Variants in ADGRD1 observed in about 807,000 individuals in gnomAD.
ADGRD1 encodes G-protein coupled receptor 133.
A neutral mutation model predicts 113.4 loss-of-function variants in ADGRD1; 77 were observed. That is an observed-to-expected ratio of 0.68 (90% CI 0.57 to 0.82). ADGRD1 has a LOEUF of 0.82. Ranked by LOEUF, ADGRD1 falls within the 40% of genes least tolerant of loss-of-function variation. ADGRD1 has a pLI of 0.00. For missense variants in ADGRD1, 1,036 were observed against 1,139.1 expected (o/e 0.91, Z 1.30); for synonymous variants, 474 against 475.0 (o/e 1.00, Z 0.03).
At chr12:130,986,721 T>C (rs2136624774) in intron 5 of ADGRD1, 1 of 226,814 alleles carries the variant, frequency 4.4e-6, no homozygotes, top group Non-Finnish European at 8.7e-6. Context: ...GACATCCTTG[T>C]CTCGCTCCTG....
intron 13 of ADGRD1, among the ~76,000 whole-genome samples, chr12:131,073,230 T>C (rs1885318758): frequency 6.6e-6 from 1 of 152,250 alleles, no homozygotes; most frequent in Non-Finnish European, 1.5e-5. Flanking sequence ...TTATGACTCT[T>C]TGAAAGCAAG....
In ADGRD1 at chr12:131,046,596, T is replaced by TC. The variant is rs1352581751; in HGVS notation, c.1474-30203dup. 6.9e-4 allele frequency among the ~76,000 whole-genome samples: 71 copies of TC among 103,182 alleles called. 1 individual carries two copies. The highest frequency in any genetic ancestry group is 3.1e-3 in the African/African-American group (68 of 22,200). The allele number at this position is 103,182 out of a possible 152,430, so 67.7% of individuals were successfully genotyped here. A position where few individuals can be genotyped will look rare whatever the true frequency, so the allele number is the denominator to read the frequency against. On this transcript the variant is annotated intron_variant, in intron 13 of 24. Coordinates refer to ENST00000261654, the MANE Select transcript of ADGRD1 (RefSeq NM_198827.5). ...GTGAGTGCTCCCTCCCTGGTCAGTGTCCTCCCTGGTCAGTGCCCCCTCCCT... is the reference window on the plus strand; with the variant it reads ...GTGAGTGCTCCCTCCCTGGTCAGTGTCCCTCCCTGGTCAGTGCCCCCTCCCT...
intron 20 of ADGRD1, among the ~76,000 whole-genome samples, chr12:131,130,816 T>C (rs1950902827): frequency 6.6e-6 from 1 of 151,934 alleles, no homozygotes; most frequent in South Asian, 2.1e-4. Context: ...CGACTGCAGC[T>C]CCCTTCAGAG....
At position 131,050,123 on chromosome 12, in the gene ADGRD1, G is replaced by C. The variant is rs117322669; in HGVS notation, c.1474-26678G>C. The stretch of plus-strand genomic sequence containing the variant: ...ATGCGTGCAGGAAGCTGGGAATTCA[G>C]TGTGTCCTCCTGGGCCAGCACAAAC... On this transcript the variant is annotated intron_variant, in intron 13 of 24. Coordinates refer to ENST00000261654, the MANE Select transcript of ADGRD1 (RefSeq NM_198827.5). The surrounding 1 kb of genome is among the most constrained non-coding windows in gnomAD (Gnocchi z 4.8). 0.032 allele frequency among the ~76,000 whole-genome samples: 4,939 copies of C among 152,252 alleles called. 126 individuals are homozygous for C. The highest frequency in any genetic ancestry group is 0.045 in the Non-Finnish European group (3,067 of 68,020).
chr12:131,120,117 C>T (rs1186290430), intron 19 of ADGRD1, among the ~76,000 whole-genome samples: 1 of 152,116 alleles, frequency 6.6e-6, no homozygotes, highest in African/African-American at 2.4e-5. Flanking sequence ...ATAAGCCAGC[C>T]CCGGGGAGAC....
intron 14 of ADGRD1, among the ~76,000 whole-genome samples, chr12:131,077,441 G>A (rs948908481): frequency 9.2e-5 from 14 of 152,262 alleles, no homozygotes; most frequent in East Asian, 3.9e-4. Flanking sequence ...GTCTCCTCCC[G>A]CCCTCCTAGC....
intron 13 of ADGRD1, among the ~76,000 whole-genome samples, chr12:131,032,181 G>A (rs1880845109): frequency 6.7e-6 from 1 of 149,600 alleles, no homozygotes; most frequent in African/African-American, 2.4e-5. Context: ...AGGCTCTACT[G>A]AAGCCCTCTC....
intron 15 of ADGRD1, among the ~76,000 whole-genome samples, chr12:131,093,954 C>T: frequency 6.8e-6 from 1 of 146,920 alleles, no homozygotes; most frequent in East Asian, 2.0e-4. Context: ...CAGCAGCACC[C>T]AGCCTCAGCA....
At position 131,057,768 on chromosome 12, in the gene ADGRD1, C is replaced by G. The variant is rs552866871; in HGVS notation, c.1474-19033C>G. 6.6e-6 allele frequency among the ~76,000 whole-genome samples: 1 copy of G among 152,234 alleles called. No individual in the cohort carries two copies. Among genetic ancestry groups the G allele is most frequent in the South Asian group, 2.1e-4 (1 of 4,820 alleles). On this transcript the variant is annotated intron_variant, in intron 13 of 24. Coordinates refer to ENST00000261654, the MANE Select transcript of ADGRD1 (RefSeq NM_198827.5). This position sits in a 1 kb window ranked among gnomAD's most constrained non-coding sequence, Gnocchi z 4.2. ...TCACATTCTGAGGGTTCTGGGGAGACATGAATTTTGTGGGGAAACCGTTCA... is the reference window on the plus strand; with the variant it reads ...TCACATTCTGAGGGTTCTGGGGAGAGATGAATTTTGTGGGGAAACCGTTCA...
intron 10 of ADGRD1, 31 bp from the exon 11 acceptor site, chr12:131,004,155 G>A: frequency 7.2e-7 from 1 of 1,397,556 alleles, no homozygotes. Flanking sequence ...GCTCTGACGG[G>A]ACTTCCGCTC....
At chr12:130,980,958 G>A (rs1872908843) in intron 4 of ADGRD1, 1 of 152,216 alleles carries the variant, frequency 6.6e-6, no homozygotes, top group East Asian at 1.9e-4. Flanking sequence ...TAGTCCAGGT[G>A]CAATCCCTCC....
At chr12:131,123,530 T>G (rs1950658207) in intron 20 of ADGRD1, among the ~76,000 whole-genome samples, 1 of 150,658 alleles carries the variant, frequency 6.6e-6, no homozygotes, top group Non-Finnish European at 1.5e-5. Context: ...CTTAAAAGAT[T>G]CCAGGTTCAG....
At position 131,132,296 on chromosome 12, in the gene ADGRD1, C is replaced by T. The variant is rs1345880269; in HGVS notation, c.2267+480C>T. Among the ~76,000 whole-genome samples the T allele has an allele frequency of 2.6e-5, 4 of 152,286 alleles. No homozygotes were observed. The East Asian group carries it at 5.8e-4, about 22-fold the overall frequency. On this transcript the variant is annotated intron_variant, in intron 21 of 24. Coordinates refer to ENST00000261654, the MANE Select transcript of ADGRD1 (RefSeq NM_198827.5). ...AGGGAGAGCAGTGTCCTGGTGTGCT[C>T]TGGGCTGCCCCGCCTGGAGAAGGGG...
chr12:130,998,760 C>G (rs1233783640), intron 8 of ADGRD1, among the ~76,000 whole-genome samples: 1 of 152,194 alleles, frequency 6.6e-6, no homozygotes, highest in Non-Finnish European at 1.5e-5. Context: ...CCACTGCGCC[C>G]GGCCCCATTC....
At chr12:130,979,068 G>A (rs1043185269) in intron 4 of ADGRD1, among the ~76,000 whole-genome samples, 3 of 152,212 alleles carry the variant, frequency 2.0e-5, no homozygotes, top group Non-Finnish European at 4.4e-5. Flanking sequence ...CATGAGGTGG[G>A]TGTGGGTGGT....
intron 18 of ADGRD1, among the ~76,000 whole-genome samples, chr12:131,116,313 C>T (rs1950462477): frequency 6.6e-6 from 1 of 152,228 alleles, no homozygotes; most frequent in South Asian, 2.1e-4. Context: ...CAACTGTGCG[C>T]CTCTTCCACA....
At chr12:131,121,027 G>C in intron 20 of ADGRD1, 114 bp downstream of exon 20, 1 of 906,276 alleles carries the variant, frequency 1.1e-6, no homozygotes, top group Admixed American at 2.3e-5. Flanking sequence ...AGGATGCAGC[G>C]TCGTTCCTCG....
At chr12:131,107,085 C>T (rs1950248546) in intron 17 of ADGRD1, among the ~76,000 whole-genome samples, 1 of 152,206 alleles carries the variant, frequency 6.6e-6, no homozygotes, top group Non-Finnish European at 1.5e-5. Flanking sequence ...ATAATCCCAG[C>T]TGGTGGCCCT....
chr12:131,045,006 G>A (rs1338558316), intron 13 of ADGRD1, among the ~76,000 whole-genome samples: 2 of 152,258 alleles, frequency 1.3e-5, no homozygotes, highest in South Asian at 2.1e-4. Flanking sequence ...CGCCTTCTCC[G>A]CAGGCCGTGG....
Sources: allele counts gnomAD v4.1 joint callset (sites outside exome capture counted in the v4.1 genomes callset), GRCh38; gene constraint gnomAD v4.1.1; non-coding constraint Gnocchi (gnomAD v3.1); transcripts MANE v1.5; gene names NCBI Gene and HGNC (gene_info 2026-07-23, HGNC 2026-07-21).